The following SLC4A5 variants were observed in gnomAD, a reference collection of about 807,000 sequenced individuals.
SLC4A5 encodes electrogenic sodium bicarbonate cotransporter 4.
A neutral mutation model predicts 120.4 loss-of-function variants in SLC4A5; 96 were observed. The ratio of observed to expected loss-of-function variants is 0.80; its 90% CI spans 0.68 to 0.94. The LOEUF is 0.94. Among genes scored for constraint, SLC4A5 ranks in the 40% least tolerant of loss-of-function variants. The pLI, the probability that SLC4A5 is intolerant of heterozygous loss-of-function variation, is 0.00. For missense variants in SLC4A5, 1,259 were observed against 1,459.5 expected, an observed-to-expected ratio of 0.86 and a Z score of 2.24; for synonymous variants, 550 against 571.1, an observed-to-expected ratio of 0.96 and a Z score of 0.53.
chr2:74,242,334 A>G (rs556517275), intron 19 of SLC4A5, among the ~76,000 whole-genome samples: 1 of 152,378 alleles, frequency 6.6e-6, no homozygotes, highest in African/African-American at 2.4e-5. Flanking sequence ...GAGCCAAGAC[A>G]AAGTGCTAAG....
At chr2:74,285,979 A>G (rs1671969682) in intron 7 of SLC4A5, 77 bp from the exon 8 acceptor site, 2 of 1,461,844 alleles carry the variant, frequency 1.4e-6, no homozygotes. Flanking sequence ...GAAATGGAGT[A>G]GGAGGCAAGC....
Position 74,232,661 on chromosome 2 carries a change from G to A in SLC4A5, c.2596-14C>T, listed in dbSNP as rs373098017. On this transcript the variant is annotated splice_polypyrimidine_tract_variant and intron_variant, in intron 23 of 30. Coordinates refer to ENST00000394019, the Ensembl canonical transcript of SLC4A5. The stretch of plus-strand genomic sequence containing the variant: ...GCCGGCAGCCTTCTGCAGGAGCGGG[G>A]TTGGGGGAGGGAGAAGTTTCTGGGG... The A allele has an allele frequency of 1.9e-6, 3 of 1,609,978 alleles. No individual in the cohort carries two copies. The highest frequency in any genetic ancestry group is 1.3e-5 in the African/African-American group (1 of 74,512).
intron 7 of SLC4A5, among the ~76,000 whole-genome samples, chr2:74,293,118 T>C (rs569605614): frequency 1.4e-4 from 21 of 152,204 alleles, no homozygotes; most frequent in Admixed American, 9.2e-4. Context: ...CCACTGACTA[T>C]TGGGGACTGG....
At chr2:74,258,134 G>A (rs1671026536) in intron 12 of SLC4A5, among the ~76,000 whole-genome samples, 1 of 152,194 alleles carries the variant, frequency 6.6e-6, no homozygotes, top group African/African-American at 2.4e-5. Flanking sequence ...GCAGCACAAC[G>A]ATGCTGTCTG....
intron 22 of SLC4A5, 48 bp from the exon 23 acceptor site, chr2:74,233,611 C>T: frequency 6.5e-7 from 1 of 1,548,844 alleles, no homozygotes; most frequent in Non-Finnish European, 8.7e-7. Flanking sequence ...TCCCTTGTCC[C>T]AGGGCACTTG....
intron 6 of SLC4A5, among the ~76,000 whole-genome samples, chr2:74,308,514 A>G (rs1036544007): frequency 2.6e-5 from 4 of 152,146 alleles, no homozygotes; most frequent in African/African-American, 7.2e-5. Context: ...TGCCATCTGT[A>G]TATCTTCTTT....
At chr2:74,328,957 C>T (rs376286723) in intron 4 of SLC4A5, among the ~76,000 whole-genome samples, 9 of 152,090 alleles carry the variant, frequency 5.9e-5, no homozygotes, top group East Asian at 3.9e-4. Flanking sequence ...TCAGGTGACA[C>T]CAAAAGCTAG....
intron 8 of SLC4A5, among the ~76,000 whole-genome samples, chr2:74,276,674 T>TACTACAGGTATGAAAGACATATTCATC (rs1671651271): frequency 6.6e-6 from 1 of 152,226 alleles, no homozygotes; most frequent in African/African-American, 2.4e-5. Flanking sequence ...ATATCTTCAT[T>TACTACAGGTATGAAAGACATATTCATC]ACTACAGGTA....
exon 11 of SLC4A5, chr2:74,262,201 G>A: frequency 6.2e-7 from 1 of 1,608,692 alleles, no homozygotes; most frequent in Non-Finnish European, 8.5e-7. Context: ...GTAGACTCGG[G>A]CCAGCACCAG....
chr2:74,343,203 G>C (rs114635076), intron 1 of SLC4A5, among the ~76,000 whole-genome samples, 153 bp downstream of exon 1: 89 of 152,242 alleles, frequency 5.8e-4, no homozygotes, highest in African/African-American at 1.9e-3. Flanking sequence ...TCTAAGTCTT[G>C]TACAGGCCTT....
chr2:74,231,490 C>A (rs531675063), intron 24 of SLC4A5, among the ~76,000 whole-genome samples, 182 bp from the exon 25 acceptor site: 1 of 152,136 alleles, frequency 6.6e-6, no homozygotes, highest in African/African-American at 2.4e-5. Context: ...GACAGGCGGC[C>A]CCTGACTGGG....
At position 74,255,980 on chromosome 2, in the gene SLC4A5, C is replaced by T. The variant is rs564586765; in HGVS notation, c.868-48G>A. The stretch of plus-strand genomic sequence containing the variant: ...ATAGCCAAGGAGACTCCCACCTGCT[C>T]TCACTCCCTCACTCCCCTTCAGACT... On this transcript the variant is annotated intron_variant, in intron 12 of 30. Coordinates refer to ENST00000394019, the Ensembl canonical transcript of SLC4A5. This position sits in a 1 kb window ranked among gnomAD's most constrained non-coding sequence, Gnocchi z 4.0. 6.3e-7 allele frequency: 1 copy of T among 1,593,790 alleles called. No homozygotes were observed. Among genetic ancestry groups the T allele is most frequent in the South Asian group, 1.1e-5 (1 of 89,492 alleles).
chr2:74,229,446 G>A (rs1033214091), intron 25 of SLC4A5, among the ~76,000 whole-genome samples: 10 of 151,800 alleles, frequency 6.6e-5, no homozygotes, highest in African/African-American at 1.9e-4. Flanking sequence ...ACAGGGTTTC[G>A]GGTTTCACCA....
intron 8 of SLC4A5, among the ~76,000 whole-genome samples, chr2:74,284,953 T>C (rs1398003672): frequency 6.6e-6 from 1 of 152,172 alleles, no homozygotes; most frequent in Non-Finnish European, 1.5e-5. Flanking sequence ...TGGCACACCT[T>C]CTCCTTCCTC....
chr2:74,243,296 C>T (rs1249477854), intron 19 of SLC4A5, among the ~76,000 whole-genome samples: 1 of 152,206 alleles, frequency 6.6e-6, no homozygotes, highest in African/African-American at 2.4e-5. Context: ...CAGGGCCAGG[C>T]TCCCCTGGGA....
chr2:74,302,396 C>T lies in SLC4A5; in HGVS notation c.271+2093G>A, dbSNP rs1042483507. The stretch of plus-strand genomic sequence containing the variant: ...CTTTGGGAGGCTGAAGCAGGTAGAT[C>T]ACTTGATGTCAGGAGTTCGAGACCA... On this transcript the variant is annotated intron_variant, in intron 7 of 30. Transcript: ENST00000394019. Among the ~76,000 whole-genome samples the T allele has an allele frequency of 2.6e-5, 4 of 152,312 alleles. No individual in the cohort carries two copies. In the East Asian group the frequency reaches 5.8e-4, roughly 22 times the overall value.
intron 7 of SLC4A5, among the ~76,000 whole-genome samples, chr2:74,291,236 T>C (rs973141883): frequency 1.3e-5 from 2 of 152,232 alleles, no homozygotes; most frequent in African/African-American, 4.8e-5. Flanking sequence ...AGCTCGTCAC[T>C]TCAGAGTGTG....
Position 74,288,092 on chromosome 2 carries a change from C to T in SLC4A5, c.272-2190G>A, listed in dbSNP as rs139966769. Among the ~76,000 whole-genome samples, 279 of 152,196 alleles carry T rather than the reference C, an allele frequency of 1.8e-3. 2 individuals are homozygous for T. The highest frequency in any genetic ancestry group is 6.5e-3 in the African/African-American group (269 of 41,516). Reference sequence around the variant, plus strand: ...TCAAAGGTGTGTTTAATTCAGGCCTCGCAGAGTATGAAATTTTTTGAAAGT... The same window carrying T: ...TCAAAGGTGTGTTTAATTCAGGCCTTGCAGAGTATGAAATTTTTTGAAAGT... On this transcript the variant is annotated intron_variant, in intron 7 of 30. Coordinates refer to ENST00000394019, the Ensembl canonical transcript of SLC4A5.
At chr2:74,335,325 C>T (rs975864986) in intron 3 of SLC4A5, among the ~76,000 whole-genome samples, 1 of 152,222 alleles carries the variant, frequency 6.6e-6, no homozygotes, top group Non-Finnish European at 1.5e-5. Flanking sequence ...TTGGCACACA[C>T]TATTGGGAAT....
Sources: allele counts gnomAD v4.1 joint callset (sites outside exome capture counted in the v4.1 genomes callset), GRCh38; gene constraint gnomAD v4.1.1; non-coding constraint Gnocchi (gnomAD v3.1); transcripts MANE v1.5; gene names NCBI Gene and HGNC (gene_info 2026-07-23, HGNC 2026-07-21).